HIP1: variants seen among roughly 807,000 people sequenced by gnomAD.
HIP1 encodes the protein huntingtin-interacting protein 1.
In HIP1, 65 loss-of-function variants were observed where a neutral mutation model predicts 147.6. That is an observed-to-expected ratio of 0.44 (90% CI 0.36 to 0.54). HIP1 has a LOEUF of 0.54. Among genes scored for constraint, HIP1 ranks in the 20% least tolerant of loss-of-function variants. The probability of loss-of-function intolerance (pLI) is 0.00; values close to 1 mark genes in which losing one functional copy is unlikely to be tolerated. For synonymous variants in HIP1, 479 were observed against 504.0 expected, an observed-to-expected ratio of 0.95 and a Z score of 0.67; for missense variants, 1,061 against 1,299.6, an observed-to-expected ratio of 0.82 and a Z score of 2.82.
intron 1 of HIP1, among the ~76,000 whole-genome samples, chr7:75,696,198 G>C (rs782318585): frequency 2.7e-5 from 4 of 150,898 alleles, no homozygotes; most frequent in Admixed American, 6.6e-5. Flanking sequence ...ATGTTGCCCA[G>C]GCTGGTCTCG....
intron 1 of HIP1, among the ~76,000 whole-genome samples, chr7:75,662,976 C>G (rs530565697): frequency 6.6e-6 from 1 of 152,310 alleles, no homozygotes; most frequent in African/African-American, 2.4e-5. Context: ...CATGCTGAGG[C>G]TTCCTCAATG....
chr7:75,724,731 G>A (rs1353191872), intron 1 of HIP1, among the ~76,000 whole-genome samples: 1 of 152,196 alleles, frequency 6.6e-6, no homozygotes, highest in African/African-American at 2.4e-5. Context: ...AGTAAGGAAG[G>A]TAGACACAAG....
intron 1 of HIP1, among the ~76,000 whole-genome samples, chr7:75,709,112 T>TTC (rs1554519936): frequency 2.0e-5 from 3 of 149,930 alleles, no homozygotes; most frequent in Non-Finnish European, 3.0e-5. Flanking sequence ...TTCTTTTCTT[T>TTC]TTTTTTTTTT....
intron 7 of HIP1, among the ~76,000 whole-genome samples, chr7:75,578,402 G>A (rs191019548): frequency 1.7e-3 from 264 of 152,182 alleles, no homozygotes; most frequent in Non-Finnish European, 3.0e-3. Context: ...CAGGCTGGGC[G>A]TGGTGGCTCA....
intron 1 of HIP1, among the ~76,000 whole-genome samples, chr7:75,628,532 G>GTA (rs1291876822): frequency 2.7e-4 from 37 of 137,944 alleles, no homozygotes; most frequent in African/African-American, 1.0e-3. Flanking sequence ...AGGCCAGACT[G>GTA]TAGTGGCACA....
At chr7:75,638,959 T>C in intron 1 of HIP1, 1 of 437,900 alleles carries the variant, frequency 2.3e-6, no homozygotes, top group African/African-American at 2.2e-5. Context: ...AAACTTTCAA[T>C]GGATCGCGCC....
chr7:75,599,276 G>A (rs886110131), intron 1 of HIP1, 29 bp from the exon 2 acceptor site: 3 of 1,562,136 alleles, frequency 1.9e-6, no homozygotes, highest in Non-Finnish European at 2.6e-6. Flanking sequence ...GGAGGGAAAG[G>A]AGGATGAGAT....
intron 1 of HIP1, among the ~76,000 whole-genome samples, chr7:75,713,269 G>C (rs1451277858): frequency 6.6e-6 from 1 of 152,206 alleles, no homozygotes; most frequent in African/African-American, 2.4e-5. Context: ...CACACACAAT[G>C]AGCCTAGGTG....
chr7:75,730,808 A>C (rs187871171), intron 1 of HIP1, among the ~76,000 whole-genome samples: 205 of 146,414 alleles, frequency 1.4e-3, no homozygotes, highest in African/African-American at 4.9e-3. Context: ...TCTCGGCTCA[A>C]TGCAACCTCC....
chr7:75,621,421 T>C (rs144402190), intron 1 of HIP1, among the ~76,000 whole-genome samples: 189 of 152,196 alleles, frequency 1.2e-3, no homozygotes, highest in African/African-American at 4.4e-3. Flanking sequence ...AGTGGTTTTG[T>C]TTTTTGCGGT....
intron 1 of HIP1, among the ~76,000 whole-genome samples, chr7:75,661,652 G>A (rs188696584): frequency 2.0e-3 from 302 of 151,840 alleles, no homozygotes; most frequent in African/African-American, 7.0e-3. Flanking sequence ...AGGGGGAGTG[G>A]GTCCAGTCCT....
chr7:75,636,883 G>A (rs807873), intron 1 of HIP1, among the ~76,000 whole-genome samples: 5 of 152,110 alleles, frequency 3.3e-5, no homozygotes, highest in African/African-American at 9.7e-5. Context: ...CAACCATCTC[G>A]ATGTTTCCTG....
rs1794959520 is a variant in HIP1, at chr7:75,555,404, T to C, written c.1963+12A>G. 14 of 1,612,950 alleles carry C rather than the reference T, an allele frequency of 8.7e-6. No homozygotes were observed. Among genetic ancestry groups the C allele is most frequent in the Non-Finnish European group, 1.0e-5 (12 of 1,179,976 alleles). The stretch of plus-strand genomic sequence containing the variant: ...GACCTGGCCCCTGCCAGCTGGGCAA[T>C]TGCAAGTGTACCTGCAGACCCAGCG... On this transcript the variant is annotated intron_variant, in intron 19 of 30. Transcript: ENST00000336926.
At chr7:75,595,224 CTTTCTTTCTTT>C in intron 2 of HIP1, among the ~76,000 whole-genome samples, 1 of 100,072 alleles carries the variant, frequency 1.0e-5, no homozygotes, top group Admixed American at 1.0e-4. Flanking sequence ...TTCTTTCTTT[CTTTCTTTCTTT>C]CTTTCTTTCT....
At chr7:75,571,057 A>G (rs1254316956) in intron 8 of HIP1, among the ~76,000 whole-genome samples, 3 of 152,124 alleles carry the variant, frequency 2.0e-5, no homozygotes, top group African/African-American at 7.2e-5. Flanking sequence ...TATGTATTGT[A>G]AAGAGTATCC....
chr7:75,556,578 G>A lies in HIP1; in HGVS notation c.1683+132C>T, dbSNP rs587747091. On this transcript the variant is annotated intron_variant, in intron 17 of 30. Transcript: ENST00000336926. Reference sequence around the variant, plus strand: ...TGTGTGCCTGTAGTCCCAGTTACTCGGGGGGCTAAGTGGGGAGGATCACCT... The same window carrying A: ...TGTGTGCCTGTAGTCCCAGTTACTCAGGGGGCTAAGTGGGGAGGATCACCT... The A allele has an allele frequency of 1.3e-4, 84 of 639,848 alleles. 1 individual carries two copies. In the Admixed American group the frequency reaches 1.3e-3, roughly 10 times the overall value. The allele number at this position is 639,848 out of a possible 1,614,324, so 39.6% of individuals were successfully genotyped here. A position where few individuals can be genotyped will look rare whatever the true frequency, so the allele number is the denominator to read the frequency against.
chr7:75,726,343 G>T (rs1189320655), intron 1 of HIP1, among the ~76,000 whole-genome samples: 1 of 151,482 alleles, frequency 6.6e-6, no homozygotes, highest in South Asian at 2.1e-4. Flanking sequence ...GAGTGCAATG[G>T]TTCGGTCTTG....
intron 1 of HIP1, among the ~76,000 whole-genome samples, chr7:75,681,497 CTTTTTTTTTTTTTT>C (rs10546838): frequency 8.0e-6 from 1 of 124,270 alleles, no homozygotes; most frequent in African/African-American, 2.9e-5. Context: ...ACAGCACCTG[CTTTTTTTTTTTTTT>C]TTTTTTTTTT....
chr7:75,662,281 T>A (rs1364117924), intron 1 of HIP1, among the ~76,000 whole-genome samples: 1 of 151,994 alleles, frequency 6.6e-6, no homozygotes, highest in African/African-American at 2.4e-5. Flanking sequence ...ACTCCTGGGC[T>A]CCAGTAACCC....
Sources: gnomAD v4.1 joint callset for allele counts (sites outside exome capture counted in the v4.1 genomes callset) on GRCh38, gnomAD v4.1.1 for gene constraint, MANE v1.5 for transcripts, NCBI Gene and HGNC (gene_info 2026-07-23, HGNC 2026-07-21) for gene names.